Variants in APPL1 observed in about 807,000 individuals in gnomAD.
APPL1 encodes DCC-interacting protein 13-alpha.
A neutral mutation model predicts 106.8 loss-of-function variants in APPL1; 42 were observed. The observed-to-expected ratio is 0.39, with a 90% CI of 0.31 to 0.51. The LOEUF (loss-of-function observed/expected upper bound fraction) is 0.51. Among genes scored for constraint, APPL1 ranks in the 20% least tolerant of loss-of-function variants. The probability of loss-of-function intolerance (pLI) is 0.75; values close to 1 mark genes in which losing one functional copy is unlikely to be tolerated. For missense variants in APPL1, 769 were observed against 858.2 expected, an observed-to-expected ratio of 0.90 and a Z score of 1.30; for synonymous variants, 263 against 281.8, an observed-to-expected ratio of 0.93 and a Z score of 0.67.
intron 9 of APPL1, 108 bp downstream of exon 9, chr3:57,247,585 C>A: frequency 1.3e-6 from 1 of 742,834 alleles, no homozygotes; most frequent in Non-Finnish European, 2.1e-6. Flanking sequence ...GAATATTTTC[C>A]CTGCCATGAG....
intron 7 of APPL1, among the ~76,000 whole-genome samples, chr3:57,244,074 C>A (rs1279749012): frequency 6.6e-6 from 1 of 151,488 alleles, no homozygotes; most frequent in African/African-American, 2.4e-5. Context: ...TAGTTAAATA[C>A]AATAATAGGG....
At position 57,248,325 on chromosome 3, in the gene APPL1, A is replaced by T; in HGVS notation, c.837A>T (p.Arg279=). The change falls in exon 10 of 22, where the codon CGA becomes CGT. Residue 279 remains arginine, a synonymous_variant. Transcript: ENST00000288266. ...TKFPVNRNLT[R]KAGYLNARNK... ...TTCCTGTTAATCGAAATTTAACCCG[A>T]AAGGCTGGATACCTTAATGCTAGGA... The T allele has an allele frequency of 6.2e-7, 1 of 1,614,158 alleles. No individual in the cohort carries two copies. Among genetic ancestry groups the T allele is most frequent in the South Asian group, 1.1e-5 (1 of 91,078 alleles).
At chr3:57,267,605 C>T in intron 19 of APPL1, 137 bp from the exon 20 acceptor site, 1 of 719,200 alleles carries the variant, frequency 1.4e-6, no homozygotes. Context: ...GGGGCTTGAG[C>T]ATTCTTAAAT....
intron 15 of APPL1, chr3:57,258,815 G>T (rs1422655454): frequency 7.3e-6 from 3 of 408,716 alleles, no homozygotes; most frequent in African/African-American, 6.2e-5. Context: ...CAATTCATCT[G>T]TGTCTTCTAA....
At chr3:57,254,529 G>A (rs1423331093) in intron 13 of APPL1, among the ~76,000 whole-genome samples, 2 of 152,308 alleles carry the variant, frequency 1.3e-5, no homozygotes, top group Admixed American at 1.3e-4. Flanking sequence ...AGTTGGGTAG[G>A]ATTTGTTTGT....
At chr3:57,238,338 C>T (rs1293798664) in intron 4 of APPL1, 10 of 439,534 alleles carry the variant, frequency 2.3e-5, no homozygotes, top group South Asian at 1.3e-4. Context: ...ATACGCAGTC[C>T]GTGCTAACAT....
Position 57,252,305 on chromosome 3 carries a change from T to A in APPL1, c.1089T>A (p.His363Gln). The A allele has an allele frequency of 6.2e-7, 1 of 1,605,446 alleles. No individual in the cohort carries two copies. The highest frequency in any genetic ancestry group is 8.5e-7 in the Non-Finnish European group (1 of 1,175,488). The change falls in exon 12 of 22, where the codon CAT (histidine) becomes CAA (glutamine). Residue 363 changes from histidine to glutamine, a missense_variant. Coordinates refer to ENST00000288266, the MANE Select transcript of APPL1 (RefSeq NM_012096.3). ...SILQAESKKD[H>Q]EEWICTINNI... ...TGCAAGCAGAGAGTAAAAAAGATCA[T>A]GAAGAGGTAAGATTTTACCTAGTTC...
In APPL1 at chr3:57,240,473, T is replaced by C. The variant is rs1055586018; in HGVS notation, c.294T>C (p.Ser98=). The stretch of plus-strand genomic sequence containing the variant: ...GGTCTTTCTTTTTCTAGCTTAGCTC[T>C]TGTCATGCAGTGCTTTCAACTCAAC... ...QFSKVIDELS[S]CHAVLSTQLA... is the part of the protein sequence containing the mutation. The change falls in exon 5 of 22, where the codon TCT becomes TCC. Residue 98 remains serine, a synonymous_variant. Transcript: ENST00000288266. 1.2e-6 allele frequency: 2 copies of C among 1,613,854 alleles called. No individual in the cohort carries two copies. Among genetic ancestry groups the C allele is most frequent in the Admixed American group, 3.3e-5 (2 of 60,020 alleles).
chr3:57,260,266 A>G lies in APPL1; in HGVS notation c.1695+113A>G, dbSNP rs1008167472. The G allele has an allele frequency of 4.1e-6, 5 of 1,218,552 alleles. No individual in the cohort carries two copies. The African/African-American group carries it at 7.8e-5, about 19-fold the overall frequency. 75.5% of individuals were successfully genotyped at this position (1,218,552 alleles called of 1,614,324 possible). A position where few individuals can be genotyped will look rare whatever the true frequency, so the allele number is the denominator to read the frequency against. Reference sequence around the variant, plus strand: ...TTCAAGTGTGATAGTATCAGCTATGATTGGTCTTTGGCTGTTGTAGTTAAG... The same window carrying G: ...TTCAAGTGTGATAGTATCAGCTATGGTTGGTCTTTGGCTGTTGTAGTTAAG... On this transcript the variant is annotated intron_variant, in intron 18 of 21. Coordinates refer to ENST00000288266, the MANE Select transcript of APPL1 (RefSeq NM_012096.3).
rs1050631358 is a variant in APPL1 at position 57,237,984 on chromosome 3, T to A, written c.214-61T>A. On this transcript the variant is annotated intron_variant, in intron 3 of 21. Coordinates refer to ENST00000288266, the MANE Select transcript of APPL1 (RefSeq NM_012096.3). ...AGTTATTTAAAAATGTAAATTATAG[T>A]AATGTCATTCCCAAAAGACACAGCA... is the stretch of plus-strand genomic sequence containing the variant. The A allele has an allele frequency of 2.4e-6, 3 of 1,255,822 alleles. No homozygotes were observed. The African/African-American group carries it at 4.6e-5, about 19-fold the overall frequency. The allele number at this position is 1,255,822 out of a possible 1,614,324, so 77.8% of individuals were successfully genotyped here. A position where few individuals can be genotyped will look rare whatever the true frequency, so the allele number is the denominator to read the frequency against.
intron 12 of APPL1, 137 bp from the exon 13 acceptor site, chr3:57,253,545 T>C (rs150759643): frequency 1.4e-4 from 81 of 562,834 alleles, no homozygotes; most frequent in African/African-American, 1.1e-3. Flanking sequence ...ACATCTGTTA[T>C]GAAATGTTTT....
chr3:57,238,808 A>T (rs868485893), intron 4 of APPL1, among the ~76,000 whole-genome samples: 1 of 152,154 alleles, frequency 6.6e-6, no homozygotes, highest in Admixed American at 6.5e-5. Context: ...CATAGCATAA[A>T]ATTTGTCATT....
intron 13 of APPL1, 30 bp downstream of exon 13, chr3:57,253,768 C>G (rs779136500): frequency 7.4e-7 from 1 of 1,357,616 alleles, no homozygotes. Context: ...TTACCCAGAT[C>G]TAGCAAAATT....
At chr3:57,240,613 A>C in intron 5 of APPL1, 61 bp downstream of exon 5, 1 of 1,401,410 alleles carries the variant, frequency 7.1e-7, no homozygotes, top group Non-Finnish European at 1.0e-6. Flanking sequence ...TGTAAAATGC[A>C]TATTACTCTG....
At chr3:57,248,479 G>A in intron 10 of APPL1, 128 bp downstream of exon 10, 3 of 1,036,366 alleles carry the variant, frequency 2.9e-6, no homozygotes, top group Non-Finnish European at 4.1e-6. Context: ...AGAGGTGTTA[G>A]TATTTATGTG....
chr3:57,256,066 A>G (rs1448657659), intron 13 of APPL1, among the ~76,000 whole-genome samples: 1 of 152,184 alleles, frequency 6.6e-6, no homozygotes, highest in Non-Finnish European at 1.5e-5. Context: ...TTTAAAGACC[A>G]TTTTTATGGA....
rs2060662752 is a variant in APPL1, at chr3:57,228,087, G to A, written c.54+150G>A. 3 of 640,164 alleles carry A rather than the reference G, an allele frequency of 4.7e-6. No homozygotes were observed. Among genetic ancestry groups the A allele is most frequent in the Middle Eastern group, 5.2e-4 (1 of 1,914 alleles). 39.7% of individuals were successfully genotyped at this position (640,164 alleles called of 1,614,324 possible). On this transcript the variant is annotated intron_variant, in intron 1 of 21. Transcript: ENST00000288266. This position sits in a 1 kb window ranked among gnomAD's most constrained non-coding sequence, Gnocchi z 4.6. ...CCGCCCGTCGCAGGCCGCGCCCGGA[G>A]TTGTGGAGGCTGGGCCCGCCGCCCA...
rs11346575 is a variant in APPL1 at position 57,242,230 on chromosome 3, GA to G, written c.415+96del. On this transcript the variant is annotated intron_variant, in intron 6 of 21. Transcript: ENST00000288266. ...TGTGGCCAGATTCTTTGTAATAATT[GA>G]AAAAAAACCAATTAAAAATAAGTGA... 370,125 of 941,586 alleles carry G rather than the reference GA, an allele frequency of 0.39. 83,821 individuals carry two copies. The highest frequency in any genetic ancestry group is 0.86 in the East Asian group (31,521 of 36,766). The allele number at this position is 941,586 out of a possible 1,614,324, so 58.3% of individuals were successfully genotyped here.
At chr3:57,244,604 T>G (rs1369607292) in intron 7 of APPL1, among the ~76,000 whole-genome samples, 1 of 152,174 alleles carries the variant, frequency 6.6e-6, no homozygotes, top group African/African-American at 2.4e-5. Context: ...TTAAGAGTAC[T>G]CTGTGACAAT....
Sources: allele counts gnomAD v4.1 joint callset (sites outside exome capture counted in the v4.1 genomes callset), GRCh38; gene constraint gnomAD v4.1.1; non-coding constraint Gnocchi (gnomAD v3.1); transcripts MANE v1.5; gene names NCBI Gene and HGNC (gene_info 2026-07-23, HGNC 2026-07-21).